The following DLGAP2 variants were observed in gnomAD, a reference collection of about 807,000 sequenced individuals.
DLGAP2 encodes DLG associated protein 2.
In DLGAP2, 26 loss-of-function variants were observed where a neutral mutation model predicts 100.3. That is an observed-to-expected ratio of 0.26 (90% CI 0.19 to 0.36). The LOEUF (loss-of-function observed/expected upper bound fraction) is 0.36. DLGAP2 is among the 10% of genes least tolerant of loss of function. The pLI is 1.00. For missense variants in DLGAP2, 1,858 were observed against 1,453.2 expected (o/e 1.28, Z -4.53); for synonymous variants, 886 against 630.1 (o/e 1.41, Z -6.08).
chr8:864,695 C>T (rs115674672), intron 1 of DLGAP2, among the ~76,000 whole-genome samples: 1,803 of 152,222 alleles, frequency 0.012, 33 homozygotes, highest in African/African-American at 0.041. Flanking sequence ...AACCTTTTGC[C>T]GTTGCACAAT....
chr8:776,067 G>C (rs1257309206), intron 1 of DLGAP2, among the ~76,000 whole-genome samples: 1 of 152,064 alleles, frequency 6.6e-6, no homozygotes, highest in Non-Finnish European at 1.5e-5. Flanking sequence ...CTTCTTCCTG[G>C]TTTAGTCTTG....
chr8:1,033,044 T>G (rs534456058), intron 2 of DLGAP2: 1 of 152,374 alleles, frequency 6.6e-6, no homozygotes, highest in Middle Eastern at 3.4e-3. Flanking sequence ...CTGCAAATGA[T>G]AGCAGTTCTA....
In DLGAP2 at chr8:1,521,385, G is replaced by A. The variant is rs1800592366; in HGVS notation, c.172+19954G>A. ...TTGTTTTAATTTGGAATACTCGGGG[G>A]CAGGTGATATGGAGCGTCTCTGGTT... is the stretch of plus-strand genomic sequence containing the variant. On this transcript the variant is annotated intron_variant, in intron 4 of 14. Coordinates refer to ENST00000637795, the MANE Select transcript of DLGAP2 (RefSeq NM_001346810.2). Among the ~76,000 whole-genome samples the A allele has an allele frequency of 3.1e-5, 2 of 63,764 alleles. 1 individual carries two copies. Among genetic ancestry groups the A allele is most frequent in the Non-Finnish European group, 6.9e-5 (2 of 29,056 alleles). 41.8% of individuals were successfully genotyped at this position (63,764 alleles called of 152,430 possible). A position where few individuals can be genotyped will look rare whatever the true frequency, so the allele number is the denominator to read the frequency against.
intron 1 of DLGAP2, among the ~76,000 whole-genome samples, chr8:790,141 C>G (rs1467743418): frequency 6.6e-6 from 1 of 152,122 alleles, no homozygotes; most frequent in Admixed American, 6.5e-5. Context: ...TGGAAGCTCA[C>G]AGGGGAGGAG....
intron 4 of DLGAP2, among the ~76,000 whole-genome samples, chr8:1,519,918 G>A (rs983689305): frequency 6.6e-6 from 1 of 152,244 alleles, no homozygotes; most frequent in Non-Finnish European, 1.5e-5. Flanking sequence ...GCGTGGCTGG[G>A]TTTGGGTCTA....
At chr8:751,869 A>G (rs530013475) in intron 1 of DLGAP2, among the ~76,000 whole-genome samples, 6 of 152,128 alleles carry the variant, frequency 3.9e-5, no homozygotes, top group South Asian at 2.1e-4. Flanking sequence ...GACACTTCAT[A>G]GTAAGTCCTT....
intron 2 of DLGAP2, among the ~76,000 whole-genome samples, chr8:1,135,516 T>TTTTTTTTTTTTTTTTTTTC (rs1796390216): frequency 7.2e-6 from 1 of 139,560 alleles, no homozygotes; most frequent in Non-Finnish European, 1.5e-5. Context: ...TTTTTTTTTT[T>TTTTTTTTTTTTTTTTTTTC]TTTTTTTTTT....
intron 4 of DLGAP2, among the ~76,000 whole-genome samples, chr8:1,523,553 G>T (rs943810422): frequency 2.6e-5 from 4 of 152,238 alleles, no homozygotes; most frequent in African/African-American, 7.2e-5. Context: ...GCACCGCACA[G>T]TCCCTGGGTA....
intron 3 of DLGAP2, among the ~76,000 whole-genome samples, chr8:1,279,413 G>T (rs545284738): frequency 6.6e-6 from 1 of 152,216 alleles, no homozygotes; most frequent in African/African-American, 2.4e-5. Context: ...TTACCAAGAA[G>T]TATGAAAGTT....
rs187987476 is a variant in DLGAP2 at position 1,177,968 on chromosome 8, C to T, written c.74-80883C>T. Among the ~76,000 whole-genome samples, 825 of 152,326 alleles carry T rather than the reference C, an allele frequency of 5.4e-3. 8 individuals are homozygous for T. Among genetic ancestry groups the T allele is most frequent in the African/African-American group, 0.019 (787 of 41,572 alleles). ...CTGAGGCCTCAGTGATCGACATCTC[C>T]AACACAGCATCTCCCGGTGAAGGGC... is the stretch of plus-strand genomic sequence containing the variant. On this transcript the variant is annotated intron_variant, in intron 2 of 14. Transcript: ENST00000637795.
chr8:1,188,948 CG>C (rs1213671396), intron 2 of DLGAP2, among the ~76,000 whole-genome samples: 16 of 152,092 alleles, frequency 1.1e-4, no homozygotes, highest in Non-Finnish European at 1.8e-4. Context: ...GCCGGTTCCG[CG>C]GTTGGGGTTG....
intron 1 of DLGAP2, among the ~76,000 whole-genome samples, chr8:831,566 T>C (rs7813548): frequency 0.39 from 58,625 of 152,050 alleles, 11,918 homozygotes; most frequent in African/African-American, 0.51. Context: ...AATGGCTGCA[T>C]AATATTCCAT....
chr8:918,809 A>G (rs996273086), intron 2 of DLGAP2, among the ~76,000 whole-genome samples: 2 of 152,344 alleles, frequency 1.3e-5, no homozygotes, highest in African/African-American at 4.8e-5. Flanking sequence ...ATTGAAGACA[A>G]ACTGATATAG....
At chr8:750,307 C>T (rs12155813) in intron 1 of DLGAP2, among the ~76,000 whole-genome samples, 21,045 of 152,202 alleles carry the variant, frequency 0.14, 1,834 homozygotes, top group East Asian at 0.33. Flanking sequence ...GCAGAGTGGG[C>T]TCAGGGAGGA....
intron 12 of DLGAP2, among the ~76,000 whole-genome samples, chr8:1,687,272 TTA>T (rs1799139862): frequency 6.6e-6 from 1 of 152,194 alleles, no homozygotes; most frequent in Admixed American, 6.5e-5. Context: ...AGAATTGGAA[TTA>T]TAGAAAAAAT....
At chr8:1,481,539 T>C (rs1348113142) in intron 3 of DLGAP2, among the ~76,000 whole-genome samples, 2 of 135,434 alleles carry the variant, frequency 1.5e-5, no homozygotes, top group Non-Finnish European at 3.1e-5. Context: ...AGTGCAGTGG[T>C]ATGATCTTGG....
intron 3 of DLGAP2, among the ~76,000 whole-genome samples, chr8:1,497,913 C>A (rs1218002489): frequency 1.3e-5 from 2 of 152,178 alleles, no homozygotes; most frequent in Non-Finnish European, 2.9e-5. Context: ...AGATGAATGA[C>A]CCACAGCCCG....
intron 3 of DLGAP2, among the ~76,000 whole-genome samples, chr8:1,433,206 A>G (rs562862368): frequency 3.3e-4 from 50 of 152,282 alleles, no homozygotes; most frequent in African/African-American, 1.2e-3. Context: ...CTCTTGAAGG[A>G]GCTTACCTTG....
At chr8:1,695,194 C>T (rs1249761696) in intron 13 of DLGAP2, among the ~76,000 whole-genome samples, 1 of 152,240 alleles carries the variant, frequency 6.6e-6, no homozygotes, top group Non-Finnish European at 1.5e-5. Flanking sequence ...CACCATCAGG[C>T]ACAGCCGTGC....
Sources: gnomAD v4.1 joint callset for allele counts (sites outside exome capture counted in the v4.1 genomes callset) on GRCh38, gnomAD v4.1.1 for gene constraint, MANE v1.5 for transcripts, NCBI Gene and HGNC (gene_info 2026-07-23, HGNC 2026-07-21) for gene names.